The following MEI1 variants were observed in gnomAD, a reference collection of about 807,000 sequenced individuals.
MEI1 encodes meiotic double-stranded break formation protein 1.
MEI1 carries 103 observed loss-of-function variants against 146.2 expected under a neutral mutation model. That is an observed-to-expected ratio of 0.70 (90% CI 0.60 to 0.83). The LOEUF (loss-of-function observed/expected upper bound fraction) is 0.83, where lower values mean the gene tolerates loss of function less well. Ranked by LOEUF, MEI1 falls within the 40% of genes least tolerant of loss-of-function variation. The probability of loss-of-function intolerance (pLI) is 0.00; values close to 1 mark genes in which losing one functional copy is unlikely to be tolerated. For missense variants in MEI1, 1,529 were observed against 1,533.0 expected (o/e 1.00, Z 0.04); for synonymous variants, 652 against 628.2 (o/e 1.04, Z -0.57).
intron 15 of MEI1, 75 bp from the exon 16 acceptor site, chr22:41,752,516 T>TA: frequency 7.5e-7 from 1 of 1,332,740 alleles, no homozygotes; most frequent in Non-Finnish European, 1.1e-6. Flanking sequence ...AGCTTTTTGA[T>TA]ACCACCCAGG....
chr22:41,700,492 G>A (rs1402773472), intron 1 of MEI1, among the ~76,000 whole-genome samples: 3 of 152,094 alleles, frequency 2.0e-5, no homozygotes, highest in Admixed American at 6.5e-5. Context: ...CACCACGCTC[G>A]GCTAATTTCT....
intron 15 of MEI1, among the ~76,000 whole-genome samples, chr22:41,749,369 G>A (rs1252696495): frequency 5.3e-5 from 8 of 151,900 alleles, no homozygotes; most frequent in African/African-American, 1.9e-4. Flanking sequence ...TCCGCCTCCC[G>A]GGTTCAAGTG....
chr22:41,764,999 A>G (rs2074746370), intron 19 of MEI1, among the ~76,000 whole-genome samples: 1 of 152,164 alleles, frequency 6.6e-6, no homozygotes, highest in South Asian at 2.1e-4. Flanking sequence ...TTGCTTCAAA[A>G]TGAAAAGTTC....
intron 4 of MEI1, among the ~76,000 whole-genome samples, chr22:41,714,913 T>A (rs1411313581): frequency 6.6e-6 from 1 of 152,058 alleles, no homozygotes; most frequent in Non-Finnish European, 1.5e-5. Flanking sequence ...GAGCAGCTTT[T>A]GTGTTGTATT....
At position 41,798,197 on chromosome 22, in the gene MEI1, GTTC is replaced by G. The variant is rs574296917; in HGVS notation, c.3780-1054_3780-1052del. On this transcript the variant is annotated intron_variant, in intron 30 of 30. Coordinates refer to ENST00000401548, the MANE Select transcript of MEI1 (RefSeq NM_152513.4). ...TAGTGTGTGTCTCTGTGACTGCCAT[GTTC>G]TTAAGAAAGCTTGGATGGCCAGGTG... is the stretch of plus-strand genomic sequence containing the variant. 7.2e-3 allele frequency among the ~76,000 whole-genome samples: 1,089 copies of G among 150,218 alleles called. 6 individuals carry two copies. The highest frequency in any genetic ancestry group is 0.052 in the Middle Eastern group (15 of 290).
At chr22:41,717,510 T>A (rs2147362429) in intron 5 of MEI1, among the ~76,000 whole-genome samples, 1 of 152,114 alleles carries the variant, frequency 6.6e-6, no homozygotes, top group Non-Finnish European at 1.5e-5. Context: ...GTAGAGCAGG[T>A]TGGTCTCAAC....
At chr22:41,755,516 T>A (rs942382124) in intron 17 of MEI1, among the ~76,000 whole-genome samples, 6 of 152,222 alleles carry the variant, frequency 3.9e-5, no homozygotes, top group Non-Finnish European at 7.3e-5. Context: ...TTCTGCCATG[T>A]AGCCTAAGAC....
chr22:41,764,945 T>G (rs1021284196), intron 19 of MEI1, among the ~76,000 whole-genome samples: 1 of 151,918 alleles, frequency 6.6e-6, no homozygotes, highest in African/African-American at 2.4e-5. Context: ...CAGTCTTGAT[T>G]TTTTTTTTCA....
At chr22:41,711,657 G>A (rs922033104) in intron 3 of MEI1, among the ~76,000 whole-genome samples, 5 of 152,076 alleles carry the variant, frequency 3.3e-5, no homozygotes, top group African/African-American at 1.2e-4. Flanking sequence ...GTGCGTGTTC[G>A]CCTAGAATGC....
chr22:41,769,181 T>C (rs978721645), intron 19 of MEI1, among the ~76,000 whole-genome samples: 1 of 152,080 alleles, frequency 6.6e-6, no homozygotes, highest in Non-Finnish European at 1.5e-5. Context: ...CAAAAAACTA[T>C]AGTAATCAGG....
chr22:41,734,669 G>A (rs781778821), intron 11 of MEI1, among the ~76,000 whole-genome samples: 2 of 152,122 alleles, frequency 1.3e-5, no homozygotes, highest in African/African-American at 2.4e-5. Flanking sequence ...ATGAAGTTTC[G>A]CTCTGTCGCC....
chr22:41,723,982 C>T lies in MEI1; in HGVS notation c.773C>T (p.Ser258Phe), dbSNP rs753162259. 6.2e-7 allele frequency: 1 copy of T among 1,611,066 alleles called. No homozygotes were observed. ...CTGTTGAAGTATGATCTCTTTGTGT[C>T]CATGATCATGAACCAGGATGGACTG... ...RQLLKYDLFV[S>F]MIMNQDGLGE... The change falls in exon 7 of 31, where the codon TCC becomes TTC. Residue 258 changes from serine (S) to phenylalanine (F), a missense_variant. Transcript: ENST00000401548.
chr22:41,699,767 A>G, intron 1 of MEI1, 55 bp downstream of exon 1: 3 of 1,504,232 alleles, frequency 2.0e-6, no homozygotes, highest in Non-Finnish European at 2.7e-6. Flanking sequence ...TCCCTCAGCA[A>G]ACGCGGCCAG....
chr22:41,704,935 CGAT>C (rs1601623394), intron 2 of MEI1, among the ~76,000 whole-genome samples: 1 of 151,088 alleles, frequency 6.6e-6, no homozygotes, highest in East Asian at 2.0e-4. Context: ...AGGATGGTCT[CGAT>C]CTCCTGACCT....
intron 19 of MEI1, among the ~76,000 whole-genome samples, chr22:41,766,659 A>G (rs1450870042): frequency 6.6e-6 from 1 of 151,872 alleles, no homozygotes; most frequent in Non-Finnish European, 1.5e-5. Flanking sequence ...CAATATTCCC[A>G]CCTCAGCTTC....
rs771473678 is a variant in MEI1 at position 41,794,398 on chromosome 22, A to C, written c.3455A>C (p.Asn1152Thr). The change falls in exon 28 of 31, where the codon AAT becomes ACT. Residue 1152 changes from asparagine (N) to threonine (T), a missense_variant. Physicochemically the swap from Asn to Thr is moderately conservative, Grantham distance 65. Around this residue, in one of 3 missense-constraint regions of MEI1, gnomAD observed 313 missense variants for 337.3 expected, o/e 0.93. Coordinates refer to ENST00000401548, the MANE Select transcript of MEI1 (RefSeq NM_152513.4). ...CTCCACGTGGCCTCCCAGCCTTGGA[A>C]TCGGTTTTTGCTGTTTACCCTCTTG... ...IALHVASQPW[N>T]RFLLFTLLDA... 1 of 1,613,934 alleles carries C rather than the reference A, an allele frequency of 6.2e-7. No homozygotes were observed. The highest frequency in any genetic ancestry group is 1.1e-5 in the South Asian group (1 of 91,080).
chr22:41,787,849 A>T (rs937342183), intron 26 of MEI1, among the ~76,000 whole-genome samples: 1 of 152,214 alleles, frequency 6.6e-6, no homozygotes, highest in Admixed American at 6.5e-5. Flanking sequence ...TATAGGAAAC[A>T]CAAATAACTA....
chr22:41,732,169 G>T (rs1198203963), intron 9 of MEI1, 76 bp from the exon 10 acceptor site: 1 of 1,184,354 alleles, frequency 8.4e-7, no homozygotes, highest in East Asian at 2.5e-5. Flanking sequence ...TCCAGAGCCT[G>T]TCACCTCTTC....
At chr22:41,762,415 C>T (rs931339987) in intron 18 of MEI1, among the ~76,000 whole-genome samples, 5 of 151,472 alleles carry the variant, frequency 3.3e-5, no homozygotes, top group Admixed American at 1.3e-4. Flanking sequence ...TGCTCTCTTA[C>T]CCAGGCTGAA....
Sources: allele counts gnomAD v4.1 joint callset (sites outside exome capture counted in the v4.1 genomes callset), GRCh38; gene constraint gnomAD v4.1.1; regional missense constraint gnomAD v4.1.1; transcripts MANE v1.5; gene names NCBI Gene and HGNC (gene_info 2026-07-23, HGNC 2026-07-21).